BMPR1B: variants seen among roughly 807,000 people sequenced by gnomAD.
The protein encoded by BMPR1B is bone morphogenetic protein receptor type 1B.
BMPR1B carries 12 observed loss-of-function variants against 59.1 expected under a neutral mutation model. The ratio of observed to expected loss-of-function variants is 0.20; its 90% CI spans 0.13 to 0.33. The LOEUF (loss-of-function observed/expected upper bound fraction) is 0.33, where lower values mean the gene tolerates loss of function less well. BMPR1B is among the 10% of genes least tolerant of loss of function. The pLI, the probability that BMPR1B is intolerant of heterozygous loss-of-function variation, is 1.00. For missense variants in BMPR1B, 550 were observed against 610.9 expected, an observed-to-expected ratio of 0.90 and a Z score of 1.05; for synonymous variants, 237 against 207.3, an observed-to-expected ratio of 1.14 and a Z score of -1.23.
chr4:94,873,574 T>C (rs574621076), intron 1 of BMPR1B, among the ~76,000 whole-genome samples: 10 of 152,018 alleles, frequency 6.6e-5, no homozygotes, highest in African/African-American at 2.4e-4. Flanking sequence ...GCCCAGCTAA[T>C]ATTTTGTATT....
chr4:95,116,421 G>GCGCGTGCGCGCGCA, intron 6 of BMPR1B, among the ~76,000 whole-genome samples: 1 of 123,198 alleles, frequency 8.1e-6, no homozygotes, highest in African/African-American at 3.6e-5. Flanking sequence ...TTCAGCGCGC[G>GCGCGTGCGCGCGCA]CACACACACA....
chr4:94,863,310 G>C (rs905241656), intron 1 of BMPR1B, among the ~76,000 whole-genome samples: 1 of 151,370 alleles, frequency 6.6e-6, no homozygotes, highest in African/African-American at 2.4e-5. Context: ...AAACCTGCAC[G>C]TGTACCCCTG....
chr4:94,860,652 T>C (rs1406142398), intron 1 of BMPR1B, among the ~76,000 whole-genome samples: 1 of 152,222 alleles, frequency 6.6e-6, no homozygotes, highest in Non-Finnish European at 1.5e-5. Context: ...TTAGTTTTTG[T>C]AGGAGTTTGC....
rs1444730905 is a variant in BMPR1B at position 95,120,663 on chromosome 4, C to T, written c.350-3147C>T. The stretch of plus-strand genomic sequence containing the variant: ...CTTCCTTCCTTCCTTTCCTTCCTTC[C>T]TTCTTCTTTCTTTTCTTTTCTTTCT... On this transcript the variant is annotated intron_variant, in intron 6 of 12. Coordinates refer to ENST00000515059, the MANE Select transcript of BMPR1B (RefSeq NM_001203.3). 2.3e-3 allele frequency among the ~76,000 whole-genome samples: 331 copies of T among 142,544 alleles called. 2 individuals are homozygous for T. The highest frequency in any genetic ancestry group is 7.5e-3 in the African/African-American group (287 of 38,124). 93.5% of individuals were successfully genotyped at this position (142,544 alleles called of 152,430 possible).
At chr4:94,992,968 C>G (rs1459986720) in intron 2 of BMPR1B, among the ~76,000 whole-genome samples, 1 of 152,134 alleles carries the variant, frequency 6.6e-6, no homozygotes, top group South Asian at 2.1e-4. Context: ...ACTGTAGCCT[C>G]GAATCCCTGA....
At chr4:94,891,028 A>G (rs909096452) in intron 2 of BMPR1B, among the ~76,000 whole-genome samples, 10 of 152,004 alleles carry the variant, frequency 6.6e-5, no homozygotes, top group Non-Finnish European at 1.3e-4. Flanking sequence ...TAATTGGAAA[A>G]CAGTTTTTTA....
chr4:95,114,477 T>C (rs1731863283), intron 4 of BMPR1B, among the ~76,000 whole-genome samples: 1 of 152,164 alleles, frequency 6.6e-6, no homozygotes, highest in Non-Finnish European at 1.5e-5. Context: ...AAATGTTAGA[T>C]CCTTCTTTTT....
intron 2 of BMPR1B, among the ~76,000 whole-genome samples, chr4:94,929,579 T>G (rs2149032532): frequency 1.3e-5 from 2 of 152,228 alleles, no homozygotes; most frequent in East Asian, 3.9e-4. Context: ...TGCTGCTGCT[T>G]TGGTTCCTTT....
At chr4:94,854,718 A>G (rs1214515405) in intron 1 of BMPR1B, among the ~76,000 whole-genome samples, 1 of 152,152 alleles carries the variant, frequency 6.6e-6, no homozygotes, top group Non-Finnish European at 1.5e-5. Flanking sequence ...CCTGTATTGC[A>G]GTAAACCTAG....
rs186033935 is a variant in BMPR1B, at chr4:95,023,780, C to G, written c.-18+27646C>G. On this transcript the variant is annotated intron_variant, in intron 3 of 12. Transcript: ENST00000515059. ...TAAACCCACAAATAAAACAACAGAC[C>G]TCTCATACCAAATGTATGTTAATAT... Among the ~76,000 whole-genome samples the G allele has an allele frequency of 1.1e-4, 16 of 152,258 alleles. No individual in the cohort carries two copies. In the East Asian group the frequency reaches 2.7e-3, roughly 26 times the overall value.
intron 10 of BMPR1B, among the ~76,000 whole-genome samples, chr4:95,140,443 C>T (rs958446801): frequency 6.6e-6 from 1 of 152,140 alleles, no homozygotes; most frequent in African/African-American, 2.4e-5. Flanking sequence ...GAATTTTCTC[C>T]TTATATATTC....
intron 1 of BMPR1B, among the ~76,000 whole-genome samples, chr4:94,805,156 T>A (rs1433045445): frequency 2.0e-5 from 3 of 152,214 alleles, no homozygotes; most frequent in African/African-American, 4.8e-5. Context: ...GCTCAGCCAG[T>A]GTCTATATAT....
chr4:95,151,844 A>G (rs1029066875), intron 11 of BMPR1B, among the ~76,000 whole-genome samples: 2 of 152,150 alleles, frequency 1.3e-5, no homozygotes, highest in Admixed American at 6.5e-5. Flanking sequence ...CCTCTAATGT[A>G]ATTATTATAA....
chr4:95,142,210 C>T (rs1734281441), intron 10 of BMPR1B, among the ~76,000 whole-genome samples: 1 of 152,190 alleles, frequency 6.6e-6, no homozygotes, highest in African/African-American at 2.4e-5. Flanking sequence ...AGGCAGAGTT[C>T]AATTCTGCAA....
At chr4:94,784,001 T>C (rs1027633993) in intron 1 of BMPR1B, among the ~76,000 whole-genome samples, 1 of 152,170 alleles carries the variant, frequency 6.6e-6, no homozygotes, top group Admixed American at 6.5e-5. Flanking sequence ...TATGTTATGC[T>C]CAGAGACCAT....
rs1722032108 is a variant in BMPR1B, at chr4:94,996,025, C to T, written c.-112-15C>T. 1 of 152,170 alleles carries T rather than the reference C, an allele frequency of 6.6e-6. No individual in the cohort carries two copies. Among genetic ancestry groups the T allele is most frequent in the African/African-American group, 2.4e-5 (1 of 41,436 alleles). 9.4% of individuals were successfully genotyped at this position (152,170 alleles called of 1,614,324 possible). On this transcript the variant is annotated splice_polypyrimidine_tract_variant and intron_variant, in intron 2 of 12. Coordinates refer to ENST00000515059, the MANE Select transcript of BMPR1B (RefSeq NM_001203.3). ...TTCCAATTTTTTCTGAAAATGTATTCTTTCTAACTGTCAGGTTCAGACTTC... is the reference window on the plus strand; with the variant it reads ...TTCCAATTTTTTCTGAAAATGTATTTTTTCTAACTGTCAGGTTCAGACTTC...
intron 1 of BMPR1B, among the ~76,000 whole-genome samples, chr4:94,770,182 G>GGT (rs1722124953): frequency 2.5e-5 from 1 of 40,016 alleles, no homozygotes; most frequent in African/African-American, 8.7e-5. Context: ...TCGTTTCTGT[G>GGT]TTTGTTTTTT....
At chr4:95,069,863 G>A (rs547863962) in intron 3 of BMPR1B, among the ~76,000 whole-genome samples, 27 of 152,192 alleles carry the variant, frequency 1.8e-4, no homozygotes, top group African/African-American at 6.0e-4. Flanking sequence ...ACTTTGGGAG[G>A]CCAAGGTGGG....
At chr4:95,103,102 A>T (rs1730943259) in intron 3 of BMPR1B, among the ~76,000 whole-genome samples, 2 of 152,078 alleles carry the variant, frequency 1.3e-5, no homozygotes, top group Non-Finnish European at 2.9e-5. Flanking sequence ...CTAATGAAAT[A>T]TTATAGTTAA....
Sources: allele counts gnomAD v4.1 joint callset (sites outside exome capture counted in the v4.1 genomes callset), GRCh38; gene constraint gnomAD v4.1.1; transcripts MANE v1.5; gene names NCBI Gene and HGNC (gene_info 2026-07-23, HGNC 2026-07-21).